The following MTHFD2L variants were observed in gnomAD, a reference collection of about 807,000 sequenced individuals.
MTHFD2L encodes bifunctional methylenetetrahydrofolate dehydrogenase/cyclohydrolase 2, mitochondrial.
MTHFD2L carries 29 observed loss-of-function variants against 34.9 expected under a neutral mutation model. The ratio of observed to expected loss-of-function variants is 0.83; its 90% confidence interval spans 0.62 to 1.13. The LOEUF (loss-of-function observed/expected upper bound fraction) is 1.13. Among genes scored for constraint, MTHFD2L ranks in the 50% most tolerant of loss-of-function variants. The pLI is 0.00. For synonymous variants in MTHFD2L, 167 were observed against 155.7 expected, an observed-to-expected ratio of 1.07 and a Z score of -0.54; for missense variants, 481 against 446.5, an observed-to-expected ratio of 1.08 and a Z score of -0.70.
At chr4:74,143,149 C>A (rs1490559336) in intron 1 of MTHFD2L, among the ~76,000 whole-genome samples, 6 of 151,350 alleles carry the variant, frequency 4.0e-5, no homozygotes, top group Non-Finnish European at 7.4e-5. Flanking sequence ...AACAAACAAA[C>A]AAAAAAAACA....
intron 2 of MTHFD2L, among the ~76,000 whole-genome samples, chr4:74,117,317 TGA>T (rs1452492078): frequency 6.6e-6 from 1 of 152,228 alleles, no homozygotes; most frequent in Non-Finnish European, 1.5e-5. Context: ...AGATTTTTCT[TGA>T]GTGTTTACTA....
At chr4:74,126,529 T>C (rs773373621) in intron 1 of MTHFD2L, among the ~76,000 whole-genome samples, 1 of 151,950 alleles carries the variant, frequency 6.6e-6, no homozygotes, top group Non-Finnish European at 1.5e-5. Flanking sequence ...AAATATCTAG[T>C]TTTGTTTCTA....
chr4:74,290,832 T>C (rs1432417867), intron 7 of MTHFD2L, among the ~76,000 whole-genome samples: 1 of 151,806 alleles, frequency 6.6e-6, no homozygotes, highest in East Asian at 1.9e-4. Context: ...GAATCAACTT[T>C]AAAGCACTCA....
At chr4:74,273,912 A>C (rs1746302367) in intron 6 of MTHFD2L, among the ~76,000 whole-genome samples, 1 of 152,040 alleles carries the variant, frequency 6.6e-6, no homozygotes, top group African/African-American at 2.4e-5. Flanking sequence ...TGGGAAAAGC[A>C]CTCATAAGAT....
At chr4:74,239,542 A>C (rs1741390995) in intron 6 of MTHFD2L, among the ~76,000 whole-genome samples, 1 of 151,628 alleles carries the variant, frequency 6.6e-6, no homozygotes, top group African/African-American at 2.4e-5. Context: ...CATTTCCCCC[A>C]CATTTATTTT....
intron 6 of MTHFD2L, among the ~76,000 whole-genome samples, chr4:74,236,973 G>A (rs898155778): frequency 1.3e-5 from 2 of 151,964 alleles, no homozygotes; most frequent in Admixed American, 1.3e-4. Flanking sequence ...TAAAAAAGTG[G>A]TTTAATAACA....
At chr4:74,281,329 G>A in intron 6 of MTHFD2L, 96 bp from the exon 7 acceptor site, 3 of 1,094,664 alleles carry the variant, frequency 2.7e-6, no homozygotes, top group South Asian at 3.0e-5. Context: ...ACATACGTGT[G>A]TGTGTGTGTG....
At chr4:74,160,266 T>C in intron 1 of MTHFD2L, 1 of 378,044 alleles carries the variant, frequency 2.6e-6, no homozygotes. Context: ...TTGAGTTTGA[T>C]AAACTCTTAT....
chr4:74,274,079 T>C (rs1334452274), intron 6 of MTHFD2L, among the ~76,000 whole-genome samples: 9 of 152,084 alleles, frequency 5.9e-5, no homozygotes, highest in Non-Finnish European at 1.2e-4. Flanking sequence ...CTCAAACTCC[T>C]GACCTCAAGT....
chr4:74,289,135 T>C (rs967832229), intron 7 of MTHFD2L, among the ~76,000 whole-genome samples: 3 of 152,196 alleles, frequency 2.0e-5, no homozygotes, highest in African/African-American at 7.2e-5. Context: ...CCATTTTGGT[T>C]ATAGGAGACA....
chr4:74,153,082 T>G (rs959183603), intron 1 of MTHFD2L, among the ~76,000 whole-genome samples: 1 of 152,210 alleles, frequency 6.6e-6, no homozygotes, highest in Non-Finnish European at 1.5e-5. Context: ...CCTTGACATC[T>G]CAGTTTCTTA....
At chr4:74,160,012 G>C (rs1356905106) in intron 1 of MTHFD2L, 3 of 1,245,582 alleles carry the variant, frequency 2.4e-6, no homozygotes, top group Middle Eastern at 5.5e-4. Context: ...GGAGGAATTC[G>C]GACAGTGTGT....
At chr4:74,220,391 C>T (rs572610829) in intron 5 of MTHFD2L, among the ~76,000 whole-genome samples, 1 of 152,046 alleles carries the variant, frequency 6.6e-6, no homozygotes, top group African/African-American at 2.4e-5. Context: ...AGTTGCCTCT[C>T]ATTGTTCTTC....
intron 7 of MTHFD2L, among the ~76,000 whole-genome samples, chr4:74,287,330 T>G (rs1257713316): frequency 6.6e-6 from 1 of 152,214 alleles, no homozygotes; most frequent in Non-Finnish European, 1.5e-5. Context: ...CATGTATCAT[T>G]ATTTGGTTCA....
intron 5 of MTHFD2L, among the ~76,000 whole-genome samples, chr4:74,210,331 T>A (rs961424394): frequency 1.5e-4 from 23 of 152,348 alleles, no homozygotes; most frequent in Non-Finnish European, 2.9e-4. Flanking sequence ...AGGCCTTTTG[T>A]TTAAGGCTTT....
chr4:74,220,277 G>T (rs1431505043), intron 5 of MTHFD2L, among the ~76,000 whole-genome samples: 1 of 151,874 alleles, frequency 6.6e-6, no homozygotes, highest in African/African-American at 2.4e-5. Flanking sequence ...ATTCTTGAGG[G>T]TTTATAGTGA....
intron 1 of MTHFD2L, among the ~76,000 whole-genome samples, chr4:74,170,302 A>G (rs1267013221): frequency 6.6e-6 from 1 of 152,238 alleles, no homozygotes; most frequent in Non-Finnish European, 1.5e-5. Context: ...TATCCCAGGA[A>G]TGCAAGTTTG....
At chr4:74,117,503 A>G in intron 2 of MTHFD2L, among the ~76,000 whole-genome samples, 1 of 152,176 alleles carries the variant, frequency 6.6e-6, no homozygotes, top group Non-Finnish European at 1.5e-5. Context: ...AGGGTGAAAG[A>G]ATGATCTTTC....
chr4:74,162,552 A>G (rs1268371794), intron 1 of MTHFD2L, among the ~76,000 whole-genome samples: 3 of 149,864 alleles, frequency 2.0e-5, no homozygotes, highest in Admixed American at 6.6e-5. Flanking sequence ...TGGAACTGCA[A>G]TGAATGCCAT....
Sources: gnomAD v4.1 joint callset for allele counts (sites outside exome capture counted in the v4.1 genomes callset) on GRCh38, gnomAD v4.1.1 for gene constraint, MANE v1.5 for transcripts, NCBI Gene and HGNC (gene_info 2026-07-23, HGNC 2026-07-21) for gene names.